Variants in FMNL2 observed in about 807,000 individuals in gnomAD.
The protein encoded by FMNL2 is formin like 2, also known as formin-like protein 2.
Under a neutral mutation model 130.2 loss-of-function variants are expected in FMNL2, and 51 were observed. The observed-to-expected ratio is 0.39, with a 90% CI of 0.31 to 0.49. FMNL2 has a LOEUF of 0.49. Among genes scored for constraint, FMNL2 ranks in the 20% least tolerant of loss-of-function variants. The pLI is 0.85. For synonymous variants in FMNL2, 465 were observed against 467.1 expected, an observed-to-expected ratio of 1.00 and a Z score of 0.06; for missense variants, 977 against 1,316.2, an observed-to-expected ratio of 0.74 and a Z score of 3.99.
intron 1 of FMNL2, among the ~76,000 whole-genome samples, chr2:152,442,596 T>C (rs1423866788): frequency 6.6e-6 from 1 of 152,156 alleles, no homozygotes; most frequent in African/African-American, 2.4e-5. Context: ...ATAATACCTT[T>C]CTCCGTACCC....
In FMNL2 at chr2:152,575,138, A is replaced by T. The variant is rs1178455295; in HGVS notation, c.599A>T (p.Tyr200Phe). Residue 200 changes from tyrosine (Y) to phenylalanine (F), a missense_variant and splice_region_variant, in exon 7 of 26, where the codon TAT (tyrosine) becomes TTT (phenylalanine). Physicochemically the swap from Tyr to Phe is conservative, Grantham distance 22. This residue lies in a region of FMNL2 where 689 missense variants were observed against 995.9 expected (regional missense o/e 0.69). Coordinates refer to ENST00000288670, the MANE Select transcript of FMNL2 (RefSeq NM_052905.4). The stretch of plus-strand genomic sequence containing the variant: ...GAAGTTTCTCTTTTTGTTTGTAGAT[A>T]TAATACATTGCCAAGCAGAAGAACT... Reference protein sequence around the residue: ...SRSGRHSALRYNTLPSRRTLK... With the variant: ...SRSGRHSALRFNTLPSRRTLK... 3.2e-6 allele frequency: 5 copies of T among 1,585,242 alleles called. No homozygotes were observed. Among genetic ancestry groups the T allele is most frequent in the Non-Finnish European group, 4.3e-6 (5 of 1,160,024 alleles).
intron 3 of FMNL2, 92 bp from the exon 4 acceptor site, chr2:152,548,929 A>G (rs1694794022): frequency 1.0e-6 from 1 of 978,956 alleles, no homozygotes; most frequent in Admixed American, 3.5e-5. Context: ...AAGTGAAGAT[A>G]TTTTTCATAT....
At chr2:152,590,749 T>C (rs1697387030) in intron 9 of FMNL2, among the ~76,000 whole-genome samples, 1 of 152,038 alleles carries the variant, frequency 6.6e-6, no homozygotes, top group Non-Finnish European at 1.5e-5. Flanking sequence ...TGCATGTTTG[T>C]CTGTATATTT....
Position 152,558,089 on chromosome 2 carries a change from G to A in FMNL2, c.360-651G>A, listed in dbSNP as rs73968075. Among the ~76,000 whole-genome samples, 344 of 152,266 alleles carry A rather than the reference G, an allele frequency of 2.3e-3. 4 individuals carry two copies. Among genetic ancestry groups the A allele is most frequent in the African/African-American group, 7.9e-3 (328 of 41,546 alleles). ...GTGGAGCACCATTCAAATGCAAGGA[G>A]GTATTATTTAAAAATGAATTTTTTA... On this transcript the variant is annotated intron_variant, in intron 4 of 25. Transcript: ENST00000288670.
chr2:152,350,365 C>T (rs766205897), intron 1 of FMNL2, among the ~76,000 whole-genome samples: 4 of 152,178 alleles, frequency 2.6e-5, no homozygotes, highest in Non-Finnish European at 5.9e-5. Flanking sequence ...TCTGTCCCCT[C>T]ACTCTGTTGT....
intron 1 of FMNL2, among the ~76,000 whole-genome samples, chr2:152,496,062 C>T (rs1691505599): frequency 2.6e-5 from 4 of 152,088 alleles, no homozygotes; most frequent in African/African-American, 9.7e-5. Flanking sequence ...TTCTTACTTT[C>T]CCCAAATAAT....
intron 8 of FMNL2, among the ~76,000 whole-genome samples, chr2:152,580,459 G>A (rs972760796): frequency 1.3e-5 from 2 of 152,164 alleles, no homozygotes; most frequent in Admixed American, 6.5e-5. Context: ...TTGTATTTTC[G>A]TGGGAGATTT....
chr2:152,635,034 G>A (rs1410945473), intron 21 of FMNL2, among the ~76,000 whole-genome samples: 1 of 151,884 alleles, frequency 6.6e-6, no homozygotes, highest in African/African-American at 2.4e-5. Context: ...ATTTTTTGTT[G>A]CATGTCATAA....
intron 22 of FMNL2, among the ~76,000 whole-genome samples, chr2:152,636,841 C>G (rs546778198): frequency 6.6e-6 from 1 of 152,030 alleles, no homozygotes; most frequent in African/African-American, 2.4e-5. Context: ...CACTTCAATA[C>G]TCACTCCAGT....
chr2:152,362,793 C>A (rs1319675854), intron 1 of FMNL2, among the ~76,000 whole-genome samples: 3 of 152,150 alleles, frequency 2.0e-5, no homozygotes, highest in African/African-American at 7.2e-5. Flanking sequence ...GGAGTCCCAG[C>A]AACTGATGAC....
intron 15 of FMNL2, 53 bp downstream of exon 15, chr2:152,619,771 C>T: frequency 3.8e-6 from 6 of 1,567,770 alleles, no homozygotes; most frequent in Non-Finnish European, 5.2e-6. Flanking sequence ...GCTGTCTTAT[C>T]TCGGAGAGTT....
intron 1 of FMNL2, among the ~76,000 whole-genome samples, chr2:152,352,634 C>T (rs925860162): frequency 3.3e-5 from 5 of 151,874 alleles, no homozygotes; most frequent in Admixed American, 6.6e-5. Context: ...AGAAAAATTA[C>T]AGATAAAATG....
At chr2:152,500,642 G>A (rs1321497957) in intron 1 of FMNL2, among the ~76,000 whole-genome samples, 1 of 152,224 alleles carries the variant, frequency 6.6e-6, no homozygotes, top group East Asian at 1.9e-4. Flanking sequence ...GAGGTCAGGA[G>A]TTCTAGACCA....
intron 1 of FMNL2, among the ~76,000 whole-genome samples, chr2:152,437,845 C>T (rs988034385): frequency 3.9e-5 from 6 of 152,228 alleles, no homozygotes; most frequent in Admixed American, 2.0e-4. Context: ...GCTGTTTCTT[C>T]GATTTATATA....
At chr2:152,338,469 C>T (rs182145808) in intron 1 of FMNL2, among the ~76,000 whole-genome samples, 68 of 152,280 alleles carry the variant, frequency 4.5e-4, no homozygotes, top group African/African-American at 1.4e-3. Context: ...GAGAACAAAT[C>T]TATTCAATGA....
At chr2:152,342,581 A>C (rs965364254) in intron 1 of FMNL2, among the ~76,000 whole-genome samples, 2 of 152,216 alleles carry the variant, frequency 1.3e-5, no homozygotes, top group Admixed American at 6.5e-5. Flanking sequence ...GGACAGAGAT[A>C]GCTCATTGCT....
chr2:152,636,642 G>T, intron 22 of FMNL2, 52 bp downstream of exon 22: 1 of 1,526,630 alleles, frequency 6.6e-7, no homozygotes, highest in Middle Eastern at 2.0e-4. Context: ...CATTAAAGCT[G>T]CCTGTGGTGC....
At chr2:152,592,961 C>T (rs191846442) in intron 9 of FMNL2, among the ~76,000 whole-genome samples, 17 of 152,244 alleles carry the variant, frequency 1.1e-4, no homozygotes, top group African/African-American at 4.1e-4. Context: ...AAATTCAGAA[C>T]AGACCATACT....
In FMNL2 at chr2:152,647,978, T is replaced by C. The variant is rs1683765075; in HGVS notation, c.*73T>C. ...CCCACATGAACTTTATGTGCTACGATTTAACTGCAGCCTTGAACACACACA... is the reference window on the plus strand; with the variant it reads ...CCCACATGAACTTTATGTGCTACGACTTAACTGCAGCCTTGAACACACACA... On this transcript the variant is annotated 3_prime_UTR_variant, in exon 26 of 26. Coordinates refer to ENST00000288670, the MANE Select transcript of FMNL2 (RefSeq NM_052905.4). 1.6e-6 allele frequency: 2 copies of C among 1,239,648 alleles called. No homozygotes were observed. The highest frequency in any genetic ancestry group is 2.3e-6 in the Non-Finnish European group (2 of 880,014). 76.8% of individuals were successfully genotyped at this position (1,239,648 alleles called of 1,614,324 possible). A position where few individuals can be genotyped will look rare whatever the true frequency, so the allele number is the denominator to read the frequency against.
Sources: allele counts gnomAD v4.1 joint callset (sites outside exome capture counted in the v4.1 genomes callset), GRCh38; gene constraint gnomAD v4.1.1; regional missense constraint gnomAD v4.1.1; transcripts MANE v1.5; gene names NCBI Gene and HGNC (gene_info 2026-07-23, HGNC 2026-07-21).